The following ZNF438 variants were observed in gnomAD, a reference collection of about 807,000 sequenced individuals.
ZNF438 encodes zinc finger protein 438.
In ZNF438, 25 loss-of-function variants were observed where a neutral mutation model predicts 38.0. That is an observed-to-expected ratio of 0.66 (90% CI 0.48 to 0.92). The LOEUF is 0.92. ZNF438 is among the 40% of genes least tolerant of loss of function. ZNF438 has a pLI of 0.00. For missense variants in ZNF438, 1,007 were observed against 999.6 expected, an observed-to-expected ratio of 1.01 and a Z score of -0.10; for synonymous variants, 372 against 364.1, an observed-to-expected ratio of 1.02 and a Z score of -0.25.
At chr10:31,011,954 C>A (rs1223626609) in intron 1 of ZNF438, among the ~76,000 whole-genome samples, 3 of 152,142 alleles carry the variant, frequency 2.0e-5, no homozygotes, top group African/African-American at 4.8e-5. Context: ...CTCCCCAGTG[C>A]CATGGCTGTT....
rs1054292071 is a variant in ZNF438, at chr10:31,020,490, G to C, written c.-192+11343C>G. ...CTACAGGGTATATGGCATTTTATGG[G>C]TACTTGGCGTCAGTTAGTCTGGAGC... On this transcript the variant is annotated intron_variant, in intron 1 of 5. Coordinates refer to ENST00000413025, the Ensembl canonical transcript of ZNF438. Among the ~76,000 whole-genome samples the C allele has an allele frequency of 2.6e-5, 4 of 152,260 alleles. No homozygotes were observed. The East Asian group carries it at 7.7e-4, about 29-fold the overall frequency.
At chr10:30,937,325 A>T (rs536449226) in intron 2 of ZNF438, among the ~76,000 whole-genome samples, 2 of 152,240 alleles carry the variant, frequency 1.3e-5, no homozygotes, top group South Asian at 4.1e-4. Flanking sequence ...ATTAAAATGC[A>T]TAACATGATT....
intron 2 of ZNF438, among the ~76,000 whole-genome samples, chr10:30,925,408 A>C (rs1171374144): frequency 1.3e-5 from 2 of 152,242 alleles, no homozygotes; most frequent in Non-Finnish European, 2.9e-5. Flanking sequence ...TTAAAGTTTC[A>C]AATACTGAAA....
intron 1 of ZNF438, among the ~76,000 whole-genome samples, chr10:30,950,907 C>T (rs534332532): frequency 0.011 from 1,406 of 130,532 alleles, 29 homozygotes; most frequent in African/African-American, 0.039. Flanking sequence ...ATGAGGTCAG[C>T]ATCATTCTGA....
chr10:30,845,000 G>A (rs545274984), exon 6 of ZNF438: 5 of 1,614,152 alleles, frequency 3.1e-6, no homozygotes, highest in Non-Finnish European at 4.2e-6. Context: ...TCACTCCCTG[G>A]TTGGAGACCG....
At chr10:30,986,939 C>T (rs1484103926) in intron 1 of ZNF438, among the ~76,000 whole-genome samples, 1 of 152,114 alleles carries the variant, frequency 6.6e-6, no homozygotes, top group Admixed American at 6.5e-5. Flanking sequence ...TTGAGTACAG[C>T]ATCATAGAAA....
At chr10:31,020,297 A>G (rs891393999) in intron 1 of ZNF438, among the ~76,000 whole-genome samples, 2 of 152,196 alleles carry the variant, frequency 1.3e-5, no homozygotes, top group Non-Finnish European at 2.9e-5. Context: ...CCAGGGACAC[A>G]CTTCCAAGTT....
In ZNF438 at chr10:30,844,817, TA is replaced by T; in HGVS notation, c.*143del. On this transcript the variant is annotated 3_prime_UTR_variant, in exon 6 of 6. Coordinates refer to ENST00000413025, the Ensembl canonical transcript of ZNF438. ...CTTATATTTTATTTCGTTAAGAAAATAAAACCATGTACAAAAATCATTTCTG... is the reference window on the plus strand; with the variant it reads ...CTTATATTTTATTTCGTTAAGAAAATAAACCATGTACAAAAATCATTTCTG... 5.6e-6 allele frequency: 6 copies of T among 1,067,788 alleles called. No homozygotes were observed. The South Asian group carries it at 1.0e-4, about 18-fold the overall frequency. The allele number at this position is 1,067,788 out of a possible 1,614,324, so 66.1% of individuals were successfully genotyped here.
chr10:30,910,448 C>A (rs1020779536), intron 2 of ZNF438: 31 of 152,042 alleles, frequency 2.0e-4, no homozygotes, highest in African/African-American at 7.0e-4. Flanking sequence ...TTCCTATAGC[C>A]ATAGATGGAC....
intron 4 of ZNF438, among the ~76,000 whole-genome samples, chr10:30,858,443 A>G (rs1170183257): frequency 6.6e-6 from 1 of 152,222 alleles, no homozygotes; most frequent in African/African-American, 2.4e-5. Context: ...TGAAAAACCT[A>G]TAAACACCTT....
Position 30,870,557 on chromosome 10 carries a change from A to G in ZNF438, c.37+6441T>C, listed in dbSNP as rs1316728912. ...AACTGGGATGTGCTCTACGGAGAAAACACTTGTATTAGAGAAGCTTTGTTG... is the reference window on the plus strand; with the variant it reads ...AACTGGGATGTGCTCTACGGAGAAAGCACTTGTATTAGAGAAGCTTTGTTG... On this transcript the variant is annotated intron_variant, in intron 4 of 5. Transcript: ENST00000413025. Among the ~76,000 whole-genome samples the G allele has an allele frequency of 2.0e-5, 3 of 152,112 alleles. No homozygotes were observed. In the East Asian group the frequency reaches 5.8e-4, roughly 29 times the overall value.
At chr10:30,947,982 C>T (rs935672789) in intron 1 of ZNF438, among the ~76,000 whole-genome samples, 3 of 152,226 alleles carry the variant, frequency 2.0e-5, no homozygotes, top group Non-Finnish European at 2.9e-5. Flanking sequence ...TTCTGCATCG[C>T]TCACGCTGGG....
intron 1 of ZNF438, among the ~76,000 whole-genome samples, chr10:30,982,437 C>T (rs1467997895): frequency 6.6e-6 from 1 of 152,096 alleles, no homozygotes; most frequent in Non-Finnish European, 1.5e-5. Flanking sequence ...CCAAGGTTAG[C>T]ACAATCATGT....
chr10:31,009,026 T>C (rs1307403107), intron 1 of ZNF438, among the ~76,000 whole-genome samples: 1 of 152,214 alleles, frequency 6.6e-6, no homozygotes, highest in Admixed American at 6.5e-5. Flanking sequence ...TGAGCATCTT[T>C]TCGTGTGCTT....
chr10:30,974,732 G>C (rs1004432620), intron 1 of ZNF438, among the ~76,000 whole-genome samples: 5 of 152,310 alleles, frequency 3.3e-5, no homozygotes, highest in African/African-American at 9.6e-5. Context: ...CTATTGAGTA[G>C]AAACCTCCTT....
At chr10:30,983,870 T>C (rs932873813) in intron 1 of ZNF438, among the ~76,000 whole-genome samples, 1 of 152,212 alleles carries the variant, frequency 6.6e-6, no homozygotes, top group African/African-American at 2.4e-5. Context: ...ATAGACTTCC[T>C]ATACACCCTT....
intron 2 of ZNF438, among the ~76,000 whole-genome samples, chr10:30,932,159 G>T (rs758661838): frequency 1.6e-4 from 25 of 152,060 alleles, no homozygotes; most frequent in Non-Finnish European, 3.5e-4. Context: ...GCATATAGGG[G>T]CCAGGCAGGT....
intron 1 of ZNF438, among the ~76,000 whole-genome samples, chr10:31,010,932 G>A (rs945824272): frequency 1.6e-5 from 2 of 122,924 alleles, no homozygotes; most frequent in African/African-American, 6.7e-5. Context: ...AGATTTTGTT[G>A]AGAAGGACAG....
rs565571419 is a variant in ZNF438, at chr10:30,961,945, G to A, written c.-191-20294C>T. ...TTTTGGTACTTTCTAAACAAAATGC[G>A]TTTAAAACTACCAGAGAGGCTAGTA... On this transcript the variant is annotated intron_variant, in intron 1 of 5. Transcript: ENST00000413025. 1.6e-4 allele frequency among the ~76,000 whole-genome samples: 24 copies of A among 145,488 alleles called. 2 individuals carry two copies. The highest frequency in any genetic ancestry group is 1.1e-3 in the South Asian group (5 of 4,562).
Sources: allele counts gnomAD v4.1 joint callset (sites outside exome capture counted in the v4.1 genomes callset), GRCh38; gene constraint gnomAD v4.1.1; transcripts MANE v1.5; gene names NCBI Gene and HGNC (gene_info 2026-07-23, HGNC 2026-07-21).